LARP4B: variants seen among roughly 807,000 people sequenced by gnomAD.
The protein encoded by LARP4B is La ribonucleoprotein 4B.
LARP4B carries 12 observed loss-of-function variants against 89.8 expected under a neutral mutation model. The ratio of observed to expected loss-of-function variants is 0.13; its 90% CI spans 0.09 to 0.22. The LOEUF is 0.22. Ranked by LOEUF, LARP4B falls within the 10% of genes least tolerant of loss-of-function variation. LARP4B has a pLI of 1.00. For synonymous variants in LARP4B, 367 were observed against 363.3 expected (o/e 1.01, Z -0.12); for missense variants, 757 against 947.7 (o/e 0.80, Z 2.64).
Position 810,139 on chromosome 10 carries a change from C to A in LARP4B, c.*2787G>T, listed in dbSNP as rs1034897143. The A allele has an allele frequency of 2.0e-5, 3 of 151,824 alleles. No individual in the cohort carries two copies. Among genetic ancestry groups the A allele is most frequent in the African/African-American group, 7.3e-5 (3 of 41,360 alleles). The allele number at this position is 151,824 out of a possible 1,614,324, so 9.4% of individuals were successfully genotyped here. On this transcript the variant is annotated 3_prime_UTR_variant, in exon 18 of 18. Coordinates refer to ENST00000316157, the MANE Select transcript of LARP4B (RefSeq NM_015155.3). The stretch of plus-strand genomic sequence containing the variant: ...CACTGCTGCATCTCTGATTCTATAA[C>A]CTGAGATACTGCTGGGGGTAAAGGA...
At chr10:885,989 AAAACTTGG>A (rs1212198782) in intron 1 of LARP4B, among the ~76,000 whole-genome samples, 2 of 152,186 alleles carry the variant, frequency 1.3e-5, no homozygotes. Context: ...GCCACACTCT[AAAACTTGG>A]AAACTCATGT....
intron 6 of LARP4B, among the ~76,000 whole-genome samples, chr10:844,620 GT>G (rs1226557667): frequency 6.6e-6 from 1 of 152,092 alleles, no homozygotes; most frequent in African/African-American, 2.4e-5. Flanking sequence ...AAAAATGAGT[GT>G]TATATAAATA....
intron 3 of LARP4B, among the ~76,000 whole-genome samples, chr10:874,818 T>G (rs1835393584): frequency 6.6e-6 from 1 of 152,210 alleles, no homozygotes; most frequent in Non-Finnish European, 1.5e-5. Flanking sequence ...ATGAATATAC[T>G]AAAATTCAAG....
chr10:825,095 A>C lies in LARP4B; in HGVS notation c.1454T>G (p.Leu485Arg). The C allele has an allele frequency of 6.2e-7, 1 of 1,614,222 alleles. No homozygotes were observed. ...AGPGRVEPGS[L>R]ESSPGLGRGR... ...CCTCCCTAAACCAGGAGAGGATTCG[A>C]GACTGCCTGGCTCCACACGCCCAGG... is the stretch of plus-strand genomic sequence containing the variant. Residue 485 changes from leucine (L) to arginine (R), a missense_variant, in exon 13 of 18, where the codon CTC becomes CGC. By Grantham distance (102) the Leu-to-Arg change is moderately radical. Coordinates refer to ENST00000316157, the MANE Select transcript of LARP4B (RefSeq NM_015155.3).
intron 1 of LARP4B, 103 bp from the exon 2 acceptor site, chr10:885,863 T>A: frequency 1.8e-6 from 1 of 563,502 alleles, no homozygotes; most frequent in South Asian, 2.7e-5. Context: ...CGTTTATCCC[T>A]CTGAATTCAA....
At chr10:950,507 T>C in the LARP4B span, among the ~76,000 whole-genome samples, 1 of 152,252 alleles carries the variant, frequency 6.6e-6, no homozygotes, top group African/African-American at 2.4e-5. Context: ...ATAGAGATTT[T>C]AGAAAAATCT....
At chr10:947,953 AC>A in the LARP4B span, among the ~76,000 whole-genome samples, 2 of 152,138 alleles carry the variant, frequency 1.3e-5, no homozygotes, top group Non-Finnish European at 2.9e-5. Context: ...AACAAATCAA[AC>A]AAAAGTGGCT....
upstream of LARP4B, among the ~76,000 whole-genome samples, chr10:935,897 T>G (rs576860967): frequency 1.1e-3 from 170 of 150,782 alleles, 1 homozygote; most frequent in Middle Eastern, 0.014. Context: ...TTTTGTTGTT[T>G]TTTTTTTTTG....
chr10:956,380 G>C, the LARP4B span, among the ~76,000 whole-genome samples: 1 of 150,650 alleles, frequency 6.6e-6, no homozygotes, highest in Non-Finnish European at 1.5e-5. The surrounding 1 kb of genome is among the most constrained non-coding windows in gnomAD (Gnocchi z 4.3). Flanking sequence ...GAGTCTCACT[G>C]TGTCCCCCAG....
intron 5 of LARP4B, among the ~76,000 whole-genome samples, chr10:846,054 C>T (rs536560159): frequency 2.4e-4 from 37 of 152,270 alleles, no homozygotes; most frequent in Admixed American, 7.8e-4. Flanking sequence ...AACCATAACA[C>T]AAAACCAAAT....
chr10:972,317 C>T, the LARP4B span: 58 of 371,670 alleles, frequency 1.6e-4, no homozygotes, highest in African/African-American at 5.9e-4. Flanking sequence ...CGTGAGCAAC[C>T]GCACCCAGCC....
intron 15 of LARP4B, among the ~76,000 whole-genome samples, chr10:817,027 GCAA>G (rs1832098630): frequency 6.6e-6 from 1 of 152,168 alleles, no homozygotes; most frequent in East Asian, 1.9e-4. Context: ...GGGGACACCG[GCAA>G]CCTGGAGTGC....
At position 833,249 on chromosome 10, in the gene LARP4B, TAAAAAAAAAAAAAAAAAAAAAAA is replaced by T. The variant is rs56788542; in HGVS notation, c.751-2295_751-2273del. Among the ~76,000 whole-genome samples, 49 of 52,044 alleles carry T rather than the reference TAAAAAAAAAAAAAAAAAAAAAAA, an allele frequency of 9.4e-4. 1 individual carries two copies. The highest frequency in any genetic ancestry group is 3.4e-3 in the African/African-American group (47 of 13,948). 34.1% of individuals were successfully genotyped at this position (52,044 alleles called of 152,430 possible). On this transcript the variant is annotated intron_variant, in intron 8 of 17. Coordinates refer to ENST00000316157, the MANE Select transcript of LARP4B (RefSeq NM_015155.3). ...AACACTAACGATAGCTGATGAGCTT[TAAAAAAAAAAAAAAAAAAAAAAA>T]AAAAAAAAAAAACCTCAAAATGTTT... is the stretch of plus-strand genomic sequence containing the variant.
intron 3 of LARP4B, among the ~76,000 whole-genome samples, chr10:877,520 A>G (rs1835505195): frequency 6.6e-6 from 1 of 152,238 alleles, no homozygotes; most frequent in Admixed American, 6.5e-5. Context: ...TGGACTCTGA[A>G]GCCAGATTGC....
intron 2 of LARP4B, among the ~76,000 whole-genome samples, chr10:885,408 T>C (rs1564430486): frequency 2.0e-5 from 3 of 152,212 alleles, no homozygotes; most frequent in Non-Finnish European, 1.5e-5. Context: ...TACAACTTAT[T>C]ACTAAATAAA....
rs1837022539 is a variant in LARP4B, at chr10:922,868, A to AT, written c.-40+8559dup. On this transcript the variant is annotated intron_variant, in intron 1 of 17. Coordinates refer to ENST00000316157, the MANE Select transcript of LARP4B (RefSeq NM_015155.3). ...CAGGCAGATTGCTTGAGGTCAGGAG[A>AT]TTGAGTCCATCCTGGCTAACATGGT... 2.6e-5 allele frequency among the ~76,000 whole-genome samples: 4 copies of AT among 152,182 alleles called. No homozygotes were observed. The South Asian group carries it at 8.3e-4, about 32-fold the overall frequency.
At chr10:872,786 C>T (rs1375875326) in intron 3 of LARP4B, among the ~76,000 whole-genome samples, 1 of 152,196 alleles carries the variant, frequency 6.6e-6, no homozygotes, top group Non-Finnish European at 1.5e-5. Flanking sequence ...ATCACAGACC[C>T]CCTCAGAATT....
At chr10:872,302 C>T (rs1329668502) in intron 3 of LARP4B, among the ~76,000 whole-genome samples, 1 of 152,194 alleles carries the variant, frequency 6.6e-6, no homozygotes, top group Non-Finnish European at 1.5e-5. Context: ...CTGGACCCAG[C>T]GTGTCCCAAG....
At chr10:884,316 C>A in intron 3 of LARP4B, 131 bp downstream of exon 3, 2 of 711,944 alleles carry the variant, frequency 2.8e-6, no homozygotes, top group Non-Finnish European at 5.0e-6. Flanking sequence ...ATGAATGGAT[C>A]CCCTACCACA....
Sources: gnomAD v4.1 joint callset for allele counts (sites outside exome capture counted in the v4.1 genomes callset) on GRCh38, gnomAD v4.1.1 for gene constraint, Gnocchi (gnomAD v3.1) non-coding constraint, MANE v1.5 for transcripts, NCBI Gene and HGNC (gene_info 2026-07-23, HGNC 2026-07-21) for gene names.